SLC16A7: variants seen among roughly 807,000 people sequenced by gnomAD.
SLC16A7 encodes solute carrier family 16 member 7.
A neutral mutation model predicts 34.9 loss-of-function variants in SLC16A7; 33 were observed. The observed-to-expected ratio is 0.94, with a 90% CI of 0.72 to 1.26. The LOEUF (loss-of-function observed/expected upper bound fraction) is 1.26, where lower values mean the gene tolerates loss of function less well. SLC16A7 is among the 50% of genes most tolerant of loss of function. The pLI is 0.00. For synonymous variants in SLC16A7, 201 were observed against 206.6 expected (o/e 0.97, Z 0.23); for missense variants, 573 against 578.1 (o/e 0.99, Z 0.09).
intron 2 of SLC16A7, among the ~76,000 whole-genome samples, chr12:59,669,857 G>C (rs554360764): frequency 6.6e-6 from 1 of 152,182 alleles, no homozygotes; most frequent in South Asian, 2.1e-4. Flanking sequence ...TATAATTGGG[G>C]GTTATAAGAA....
chr12:59,776,680 CTCT>C (rs1366430584), intron 5 of SLC16A7, among the ~76,000 whole-genome samples: 1 of 151,808 alleles, frequency 6.6e-6, no homozygotes, highest in Non-Finnish European at 1.5e-5. Context: ...GACCTTTTGT[CTCT>C]TCATTTTTTT....
chr12:59,688,192 T>C (rs1871304344), intron 2 of SLC16A7, among the ~76,000 whole-genome samples: 1 of 151,996 alleles, frequency 6.6e-6, no homozygotes, highest in Admixed American at 6.6e-5. Flanking sequence ...ATTGAGTGTC[T>C]CCTGAAGTCA....
intron 3 of SLC16A7, among the ~76,000 whole-genome samples, chr12:59,722,909 G>A (rs923682284): frequency 6.6e-6 from 1 of 151,862 alleles, no homozygotes; most frequent in Non-Finnish European, 1.5e-5. Context: ...TTATCCACTA[G>A]TCACATGTAG....
At chr12:59,763,276 C>T (rs1175251834) in intron 3 of SLC16A7, among the ~76,000 whole-genome samples, 1 of 151,950 alleles carries the variant, frequency 6.6e-6, no homozygotes, top group South Asian at 2.1e-4. Context: ...AATTGAGGTA[C>T]GTGCTGAGTA....
chr12:59,777,799 C>T (rs902384026), intron 5 of SLC16A7, among the ~76,000 whole-genome samples: 2 of 118,486 alleles, frequency 1.7e-5, no homozygotes, highest in African/African-American at 6.2e-5. Context: ...GCTATCCCTC[C>T]CCCTCCCCCC....
chr12:59,679,121 C>G (rs1565644967), intron 2 of SLC16A7, among the ~76,000 whole-genome samples: 1 of 152,146 alleles, frequency 6.6e-6, no homozygotes, highest in African/African-American at 2.4e-5. Flanking sequence ...TGCAGAGATG[C>G]CAGCATCCAC....
intron 3 of SLC16A7, among the ~76,000 whole-genome samples, chr12:59,742,782 A>G (rs774859321): frequency 1.1e-4 from 17 of 152,186 alleles, no homozygotes; most frequent in Non-Finnish European, 2.2e-4. Context: ...CTTTATCAAT[A>G]TCTTTATCAG....
intron 3 of SLC16A7, among the ~76,000 whole-genome samples, chr12:59,740,958 A>G (rs1878258718): frequency 6.6e-6 from 1 of 152,232 alleles, no homozygotes; most frequent in Admixed American, 6.5e-5. Context: ...ACTCCCTTTC[A>G]CAATTGCTTC....
intron 3 of SLC16A7, among the ~76,000 whole-genome samples, chr12:59,761,477 T>A (rs141876169): frequency 2.8e-4 from 43 of 152,270 alleles, no homozygotes; most frequent in African/African-American, 9.9e-4. Flanking sequence ...ATTGTTTACA[T>A]CTGAATCTAT....
chr12:59,686,684 T>A (rs1462169400), intron 2 of SLC16A7, among the ~76,000 whole-genome samples: 1 of 152,074 alleles, frequency 6.6e-6, no homozygotes, highest in Non-Finnish European at 1.5e-5. Context: ...TATACTTCAT[T>A]ATAGAAAATT....
intron 3 of SLC16A7, among the ~76,000 whole-genome samples, chr12:59,754,602 G>A (rs1024755489): frequency 6.6e-6 from 1 of 152,140 alleles, no homozygotes; most frequent in Non-Finnish European, 1.5e-5. Context: ...CTCTGAAATT[G>A]TGGCAATAAT....
intron 1 of SLC16A7, among the ~76,000 whole-genome samples, chr12:59,628,269 G>T (rs1311681901): frequency 3.3e-5 from 5 of 151,712 alleles, no homozygotes; most frequent in African/African-American, 9.7e-5. Flanking sequence ...CTCTTTTAAA[G>T]TCTTAAATTA....
intron 3 of SLC16A7, chr12:59,769,285 A>G (rs1881989706): frequency 6.6e-6 from 1 of 152,196 alleles, no homozygotes; most frequent in African/African-American, 2.4e-5. Context: ...TTATTGCAAT[A>G]TTCACTTTAT....
At position 59,640,521 on chromosome 12, in the gene SLC16A7, G is replaced by GAA. The variant is rs113714385; in HGVS notation, c.-129-14627_-129-14626dup. Among the ~76,000 whole-genome samples the GAA allele has an allele frequency of 1.2e-4, 18 of 151,630 alleles. 1 individual carries two copies. The highest frequency in any genetic ancestry group is 3.9e-4 in the East Asian group (2 of 5,080). ...TGAGAAATTAAATACGTGACATTCT[G>GAA]AAAAAGAAAGTAGTGCTTTTCCTAA... On this transcript the variant is annotated intron_variant, in intron 1 of 5. Transcript: ENST00000547379.
At chr12:59,654,834 C>T (rs910212724) in intron 1 of SLC16A7, among the ~76,000 whole-genome samples, 13 of 151,670 alleles carry the variant, frequency 8.6e-5, no homozygotes, top group African/African-American at 1.7e-4. Flanking sequence ...TGTTTTGGCA[C>T]GAAATCCTCT....
chr12:59,754,334 G>A (rs879126212), intron 3 of SLC16A7, among the ~76,000 whole-genome samples: 1 of 151,932 alleles, frequency 6.6e-6, no homozygotes, highest in Non-Finnish European at 1.5e-5. Context: ...TTTTTGAAAG[G>A]ATCAACAAAA....
At chr12:59,777,922 G>A (rs964068106) in intron 5 of SLC16A7, among the ~76,000 whole-genome samples, 14 of 150,818 alleles carry the variant, frequency 9.3e-5, no homozygotes, top group Non-Finnish European at 1.6e-4. Context: ...TTGTTCTTGC[G>A]ATAGTTTACT....
At chr12:59,673,862 C>G (rs1870090774) in intron 2 of SLC16A7, among the ~76,000 whole-genome samples, 3 of 152,112 alleles carry the variant, frequency 2.0e-5, no homozygotes, top group South Asian at 4.1e-4. Flanking sequence ...ATATCATCAT[C>G]TCTCTTGAGA....
chr12:59,741,097 G>T, intron 3 of SLC16A7, among the ~76,000 whole-genome samples: 1 of 152,066 alleles, frequency 6.6e-6, no homozygotes. Context: ...CCATGCTCAT[G>T]GTTAGGAAGA....
Sources: allele counts gnomAD v4.1 joint callset (sites outside exome capture counted in the v4.1 genomes callset), GRCh38; gene constraint gnomAD v4.1.1; transcripts MANE v1.5; gene names NCBI Gene and HGNC (gene_info 2026-07-23, HGNC 2026-07-21).